Variants in KCNIP4 observed in about 807,000 individuals in gnomAD.
KCNIP4 encodes Kv channel-interacting protein 4.
KCNIP4 carries 12 observed loss-of-function variants against 34.0 expected under a neutral mutation model. That is an observed-to-expected ratio of 0.35 (90% CI 0.23 to 0.57). The LOEUF is 0.57. Ranked by LOEUF, KCNIP4 falls within the 20% of genes least tolerant of loss-of-function variation. The pLI, the probability that KCNIP4 is intolerant of heterozygous loss-of-function variation, is 0.83. For missense variants in KCNIP4, 238 were observed against 311.7 expected, an observed-to-expected ratio of 0.76 and a Z score of 1.78; for synonymous variants, 124 against 102.2, an observed-to-expected ratio of 1.21 and a Z score of -1.29.
At chr4:21,088,414 G>T (rs6448013) in intron 1 of KCNIP4, among the ~76,000 whole-genome samples, 51,923 of 151,862 alleles carry the variant, frequency 0.34, 10,538 homozygotes, top group African/African-American at 0.58. Flanking sequence ...CTTGTACAGG[G>T]ATCCGTACGT....
At chr4:21,863,520 G>A (rs897003578) in intron 1 of KCNIP4, among the ~76,000 whole-genome samples, 1 of 152,088 alleles carries the variant, frequency 6.6e-6, no homozygotes, top group African/African-American at 2.4e-5. Context: ...AGATAGATGG[G>A]GAGGGGGAAG....
chr4:20,985,197 T>A (rs191639377), intron 1 of KCNIP4, among the ~76,000 whole-genome samples: 2 of 152,346 alleles, frequency 1.3e-5, no homozygotes, highest in East Asian at 3.9e-4. Flanking sequence ...TTTCTTGCTA[T>A]GTGATCTTGT....
chr4:21,794,416 G>C (rs1475794090), intron 1 of KCNIP4, among the ~76,000 whole-genome samples: 1 of 152,144 alleles, frequency 6.6e-6, no homozygotes, highest in Non-Finnish European at 1.5e-5. Flanking sequence ...CAATTGTTTT[G>C]TCTCATGAAA....
chr4:21,816,101 A>C (rs548320527), intron 1 of KCNIP4, among the ~76,000 whole-genome samples: 6 of 152,144 alleles, frequency 3.9e-5, no homozygotes, highest in Non-Finnish European at 8.8e-5. Flanking sequence ...TCTTATACAA[A>C]ATCAAAGCCA....
intron 1 of KCNIP4, among the ~76,000 whole-genome samples, chr4:21,035,355 G>A (rs1227188926): frequency 6.6e-6 from 1 of 152,148 alleles, no homozygotes; most frequent in Non-Finnish European, 1.5e-5. Context: ...AAATGAAAAA[G>A]TAGAGTGGTT....
intron 3 of KCNIP4, among the ~76,000 whole-genome samples, chr4:20,844,717 A>T (rs1000435974): frequency 6.6e-6 from 1 of 152,028 alleles, no homozygotes; most frequent in African/African-American, 2.4e-5. Context: ...TTTTATGTAA[A>T]TGTACTTTGC....
At chr4:21,494,738 A>T (rs1348881951) in intron 1 of KCNIP4, among the ~76,000 whole-genome samples, 1 of 151,164 alleles carries the variant, frequency 6.6e-6, no homozygotes, top group Non-Finnish European at 1.5e-5. Context: ...GCGCCACTAC[A>T]CATACTCCAG....
chr4:21,191,980 G>C (rs1014040718), intron 1 of KCNIP4, among the ~76,000 whole-genome samples: 3 of 152,150 alleles, frequency 2.0e-5, no homozygotes, highest in Non-Finnish European at 2.9e-5. Context: ...TTGATTCATA[G>C]CTCTCCCTAA....
chr4:20,822,555 CAGCAA>C (rs1444871549), intron 3 of KCNIP4, among the ~76,000 whole-genome samples: 8 of 152,102 alleles, frequency 5.3e-5, no homozygotes, highest in African/African-American at 1.9e-4. Flanking sequence ...CCATTCAATC[CAGCAA>C]TCCCACCACT....
intron 1 of KCNIP4, among the ~76,000 whole-genome samples, chr4:21,483,847 C>A (rs969944232): frequency 6.6e-6 from 1 of 151,636 alleles, no homozygotes. Flanking sequence ...TGGTACCTCC[C>A]CTGTCTCTCT....
chr4:21,639,487 T>C (rs941065697), intron 1 of KCNIP4, among the ~76,000 whole-genome samples: 9 of 152,210 alleles, frequency 5.9e-5, no homozygotes, highest in Admixed American at 2.0e-4. Flanking sequence ...AAATGTCTTT[T>C]ATATTGTATC....
At chr4:21,397,249 A>C (rs1351528608) in intron 1 of KCNIP4, among the ~76,000 whole-genome samples, 1 of 152,230 alleles carries the variant, frequency 6.6e-6, no homozygotes, top group Non-Finnish European at 1.5e-5. Context: ...AAATTCTGGA[A>C]AACCTTTCAT....
intron 1 of KCNIP4, among the ~76,000 whole-genome samples, chr4:21,128,632 T>C (rs566444342): frequency 1.3e-5 from 2 of 152,318 alleles, no homozygotes; most frequent in South Asian, 2.1e-4. Flanking sequence ...AGGTGATCAA[T>C]GCATACCTCA....
At chr4:20,961,130 G>A (rs1445036483) in intron 1 of KCNIP4, among the ~76,000 whole-genome samples, 1 of 152,036 alleles carries the variant, frequency 6.6e-6, no homozygotes, top group Non-Finnish European at 1.5e-5. Flanking sequence ...TAAGGAAAAG[G>A]AAAATAGAAC....
At chr4:21,383,333 A>G (rs1314610961) in intron 1 of KCNIP4, among the ~76,000 whole-genome samples, 1 of 151,802 alleles carries the variant, frequency 6.6e-6, no homozygotes, top group Non-Finnish European at 1.5e-5. Context: ...CTAACAGTTT[A>G]CGATCTGGTG....
chr4:21,914,875 G>T (rs896904133), intron 1 of KCNIP4, among the ~76,000 whole-genome samples: 1 of 152,120 alleles, frequency 6.6e-6, no homozygotes, highest in Non-Finnish European at 1.5e-5. Flanking sequence ...ATGAATGGAT[G>T]GATGAGCAGA....
At chr4:21,550,599 G>A (rs548007349) in intron 1 of KCNIP4, among the ~76,000 whole-genome samples, 19 of 151,946 alleles carry the variant, frequency 1.3e-4, no homozygotes, top group African/African-American at 4.3e-4. Context: ...TAGCATCATC[G>A]GTCCCTGATT....
chr4:21,431,809 G>A (rs886429052), intron 1 of KCNIP4, among the ~76,000 whole-genome samples: 3 of 150,938 alleles, frequency 2.0e-5, no homozygotes, highest in African/African-American at 7.3e-5. Context: ...TAGTGTCCAC[G>A]AACCCCATTT....
chr4:21,798,289 C>T (rs141663531), intron 1 of KCNIP4, among the ~76,000 whole-genome samples: 22 of 151,246 alleles, frequency 1.5e-4, no homozygotes, highest in African/African-American at 4.6e-4. Context: ...TGGTGGTTCA[C>T]GCCTGTAATT....
Sources: gnomAD v4.1 joint callset for allele counts (sites outside exome capture counted in the v4.1 genomes callset) on GRCh38, gnomAD v4.1.1 for gene constraint, MANE v1.5 for transcripts, NCBI Gene and HGNC (gene_info 2026-07-23, HGNC 2026-07-21) for gene names.